Variants in USP6NL observed in about 807,000 individuals in gnomAD.
USP6NL encodes USP6 N-terminal-like protein.
Under a neutral mutation model 61.9 loss-of-function variants are expected in USP6NL, and 26 were observed. The ratio of observed to expected loss-of-function variants is 0.42; its 90% CI spans 0.31 to 0.58. The LOEUF is 0.58. Ranked by LOEUF, USP6NL falls within the 20% of genes least tolerant of loss-of-function variation. The probability of loss-of-function intolerance (pLI) is 0.16; values close to 1 mark genes in which losing one functional copy is unlikely to be tolerated. For synonymous variants in USP6NL, 432 were observed against 390.1 expected, an observed-to-expected ratio of 1.11 and a Z score of -1.27; for missense variants, 1,114 against 1,034.3, an observed-to-expected ratio of 1.08 and a Z score of -1.06.
rs557699914 is a variant in USP6NL at position 11,610,554 on chromosome 10, A to G, written c.-84+889T>C. 4.6e-5 allele frequency among the ~76,000 whole-genome samples: 7 copies of G among 152,304 alleles called. No individual in the cohort carries two copies. In the South Asian group the frequency reaches 1.5e-3, roughly 32 times the overall value. ...TCCCAAAGGTGTAATTATTTTTATA[A>G]AAGGATTAATACAGGATTGAAACCA... is the stretch of plus-strand genomic sequence containing the variant. On this transcript the variant is annotated intron_variant, in intron 1 of 14. Coordinates refer to ENST00000609104, the MANE Select transcript of USP6NL (RefSeq NM_014688.5).
In USP6NL at chr10:11,511,926, T is replaced by C. The variant is rs1304548978; in HGVS notation, c.196-2251A>G. ...TTTAAGTGCTAACTCCATAATGCTG[T>C]CCATTCAACAATACCAAACTTGAAT... On this transcript the variant is annotated intron_variant, in intron 5 of 14. Coordinates refer to ENST00000609104, the MANE Select transcript of USP6NL (RefSeq NM_014688.5). The surrounding 1 kb of genome is among the most constrained non-coding windows in gnomAD (Gnocchi z 4.9). 6.6e-6 allele frequency among the ~76,000 whole-genome samples: 1 copy of C among 152,120 alleles called. No individual in the cohort carries two copies. Among genetic ancestry groups the C allele is most frequent in the African/African-American group, 2.4e-5 (1 of 41,418 alleles).
At chr10:11,507,002 A>G (rs1228989430) in intron 6 of USP6NL, among the ~76,000 whole-genome samples, 1 of 152,226 alleles carries the variant, frequency 6.6e-6, no homozygotes. Flanking sequence ...TGGGCCACAT[A>G]TATCATCAAA....
rs902928520 is a variant in USP6NL at position 11,591,493 on chromosome 10, A to C, written c.4+6138T>G. On this transcript the variant is annotated intron_variant, in intron 2 of 14. Coordinates refer to ENST00000609104, the MANE Select transcript of USP6NL (RefSeq NM_014688.5). This position sits in a 1 kb window ranked among gnomAD's most constrained non-coding sequence, Gnocchi z 4.7. ...GATTTAACTAGTAAAAATAATTCAGAAGCTTTACTAAGCTTATACTACTAT... is the reference window on the plus strand; with the variant it reads ...GATTTAACTAGTAAAAATAATTCAGCAGCTTTACTAAGCTTATACTACTAT... Among the ~76,000 whole-genome samples the C allele has an allele frequency of 5.3e-5, 8 of 152,260 alleles. No individual in the cohort carries two copies. The highest frequency in any genetic ancestry group is 1.9e-4 in the African/African-American group (8 of 41,576).
chr10:11,580,815 T>G (rs1043891906), intron 2 of USP6NL, among the ~76,000 whole-genome samples: 1 of 151,954 alleles, frequency 6.6e-6, no homozygotes, highest in Admixed American at 6.6e-5. Context: ...ATTTCACTCG[T>G]TGGATGGATG....
At chr10:11,488,553 G>A (rs1042045812) in intron 10 of USP6NL, among the ~76,000 whole-genome samples, 5 of 152,200 alleles carry the variant, frequency 3.3e-5, no homozygotes, top group African/African-American at 4.8e-5. Context: ...CCTAGAACAC[G>A]TTATCAACCT....
intron 6 of USP6NL, among the ~76,000 whole-genome samples, chr10:11,505,922 G>C (rs1484348450): frequency 6.6e-6 from 1 of 152,102 alleles, no homozygotes; most frequent in African/African-American, 2.4e-5. Flanking sequence ...TGGCTCCTTT[G>C]TTTCTGCCTT....
At chr10:11,527,361 T>C (rs1358594623) in intron 3 of USP6NL, 139 bp downstream of exon 3, 2 of 681,340 alleles carry the variant, frequency 2.9e-6, no homozygotes, top group African/African-American at 3.6e-5. Context: ...GGAGATGAAG[T>C]CAGCGAAGAT....
rs976517899 is a variant in USP6NL at position 11,470,081 on chromosome 10, C to G, written c.1079-6232G>C. Among the ~76,000 whole-genome samples, 1 of 152,152 alleles carries G rather than the reference C, an allele frequency of 6.6e-6. No individual in the cohort carries two copies. Among genetic ancestry groups the G allele is most frequent in the Non-Finnish European group, 1.5e-5 (1 of 68,026 alleles). ...CGGGGCAGCGCTGTGGAGGTAGTAA[C>G]GCTGTGCCTCTCATGAGGAGGAGAA... is the stretch of plus-strand genomic sequence containing the variant. On this transcript the variant is annotated intron_variant, in intron 14 of 14. Coordinates refer to ENST00000609104, the MANE Select transcript of USP6NL (RefSeq NM_014688.5). The surrounding 1 kb of genome is among the most constrained non-coding windows in gnomAD (Gnocchi z 5.4).
chr10:11,570,993 C>CT (rs1837338392), intron 2 of USP6NL, among the ~76,000 whole-genome samples: 1 of 152,136 alleles, frequency 6.6e-6, no homozygotes, highest in African/African-American at 2.4e-5. Flanking sequence ...TAAACAAACA[C>CT]TTATTAGACA....
At chr10:11,579,164 C>T (rs975954168) in intron 2 of USP6NL, among the ~76,000 whole-genome samples, 1 of 152,196 alleles carries the variant, frequency 6.6e-6, no homozygotes, top group Non-Finnish European at 1.5e-5. Flanking sequence ...TTAAGACACT[C>T]ATAACCAAGA....
intron 1 of USP6NL, among the ~76,000 whole-genome samples, chr10:11,605,978 C>T (rs1276933608): frequency 6.6e-6 from 1 of 151,950 alleles, no homozygotes; most frequent in Non-Finnish European, 1.5e-5. Context: ...GAGAACTTGC[C>T]AAAATTGACG....
At position 11,462,242 on chromosome 10, in the gene USP6NL, G is replaced by C. The variant is rs942725389; in HGVS notation, c.*199C>G. Reference sequence around the variant, plus strand: ...TTCCGGGTTAAATTCTAACAGGTCAGTGATGATGCAATTGAAACGCTCATC... The same window carrying C: ...TTCCGGGTTAAATTCTAACAGGTCACTGATGATGCAATTGAAACGCTCATC... On this transcript the variant is annotated 3_prime_UTR_variant, in exon 15 of 15. Coordinates refer to ENST00000609104, the MANE Select transcript of USP6NL (RefSeq NM_014688.5). 7.9e-6 allele frequency: 5 copies of C among 633,706 alleles called. No homozygotes were observed. The Admixed American group carries it at 1.3e-4, about 16-fold the overall frequency. The allele number at this position is 633,706 out of a possible 1,614,324, so 39.3% of individuals were successfully genotyped here.
Position 11,496,233 on chromosome 10 carries a change from A to T in USP6NL, c.385-3005T>A, listed in dbSNP as rs1391945821. Among the ~76,000 whole-genome samples the T allele has an allele frequency of 2.0e-5, 3 of 152,188 alleles. No homozygotes were observed. The highest frequency in any genetic ancestry group is 2.9e-5 in the Non-Finnish European group (2 of 68,024). On this transcript the variant is annotated intron_variant, in intron 7 of 14. Coordinates refer to ENST00000609104, the MANE Select transcript of USP6NL (RefSeq NM_014688.5). The surrounding 1 kb of genome is among the most constrained non-coding windows in gnomAD (Gnocchi z 5.4). ...TGGGCTAGCACTGAGGGAGCTAAGG[A>T]GCTCTAACTGCTTCTGAAACAGACT... is the stretch of plus-strand genomic sequence containing the variant.
rs1367146206 is a variant in USP6NL at position 11,481,017 on chromosome 10, C to T, written c.1078+753G>A. ...TTTCTTCCCTCCCTTCCTGCACTCCCCTTCTTCTGCTCCTCTCCCATTTAC... is the reference window on the plus strand; with the variant it reads ...TTTCTTCCCTCCCTTCCTGCACTCCTCTTCTTCTGCTCCTCTCCCATTTAC... On this transcript the variant is annotated intron_variant, in intron 14 of 14. Transcript: ENST00000609104. This position sits in a 1 kb window ranked among gnomAD's most constrained non-coding sequence, Gnocchi z 4.4. Among the ~76,000 whole-genome samples, 1 of 152,186 alleles carries T rather than the reference C, an allele frequency of 6.6e-6. No individual in the cohort carries two copies. The highest frequency in any genetic ancestry group is 2.4e-5 in the African/African-American group (1 of 41,424).
At chr10:11,544,610 C>G (rs1836204560) in intron 2 of USP6NL, among the ~76,000 whole-genome samples, 1 of 152,174 alleles carries the variant, frequency 6.6e-6, no homozygotes, top group Admixed American at 6.5e-5. Flanking sequence ...GCCTCAGCCT[C>G]CCGAGTAGCT....
rs1835065483 is a variant in USP6NL at position 11,518,655 on chromosome 10, T to C, written c.156-81A>G. ...AAGCTTATATACTTATAGATACATATGACATACAATATTTATTTGTCATCA... is the reference window on the plus strand; with the variant it reads ...AAGCTTATATACTTATAGATACATACGACATACAATATTTATTTGTCATCA... On this transcript the variant is annotated intron_variant, in intron 4 of 14. Coordinates refer to ENST00000609104, the MANE Select transcript of USP6NL (RefSeq NM_014688.5). The surrounding 1 kb of genome is among the most constrained non-coding windows in gnomAD (Gnocchi z 5.3). 4 of 1,017,508 alleles carry C rather than the reference T, an allele frequency of 3.9e-6. No individual in the cohort carries two copies. The highest frequency in any genetic ancestry group is 2.2e-5 in the Admixed American group (1 of 45,500). 63.0% of individuals were successfully genotyped at this position (1,017,508 alleles called of 1,614,324 possible). A position where few individuals can be genotyped will look rare whatever the true frequency, so the allele number is the denominator to read the frequency against.
intron 6 of USP6NL, among the ~76,000 whole-genome samples, chr10:11,508,466 T>C (rs1430707338): frequency 1.8e-4 from 27 of 152,202 alleles, no homozygotes; most frequent in Non-Finnish European, 1.0e-4. Flanking sequence ...AAAAAAGCTA[T>C]AGTGAAACTT....
rs2133583782 is a variant in USP6NL, at chr10:11,574,930, G to C, written c.4+22701C>G. On this transcript the variant is annotated intron_variant, in intron 2 of 14. Coordinates refer to ENST00000609104, the MANE Select transcript of USP6NL (RefSeq NM_014688.5). This position sits in a 1 kb window ranked among gnomAD's most constrained non-coding sequence, Gnocchi z 4.3. ...AAAAATGTCTAGTTTTAAAATTCAA[G>C]GTGAAGTTTTCAGCTCTTCAGACAC... Among the ~76,000 whole-genome samples, 1 of 152,256 alleles carries C rather than the reference G, an allele frequency of 6.6e-6. No homozygotes were observed. Among genetic ancestry groups the C allele is most frequent in the South Asian group, 2.1e-4 (1 of 4,824 alleles).
Position 11,597,726 on chromosome 10 carries a change from G to T in USP6NL, c.-83-9C>A. On this transcript the variant is annotated splice_polypyrimidine_tract_variant and intron_variant, in intron 1 of 14. Transcript: ENST00000609104. The surrounding 1 kb of genome is among the most constrained non-coding windows in gnomAD (Gnocchi z 4.6). ...TCAGAGGAATACATGTCCTAGTCAG[G>T]AAACAAAGAGAAAGAAATAGTATTT... The T allele has an allele frequency of 1.1e-6, 1 of 942,828 alleles. No individual in the cohort carries two copies. Among genetic ancestry groups the T allele is most frequent in the Non-Finnish European group, 1.7e-6 (1 of 603,434 alleles). 58.4% of individuals were successfully genotyped at this position (942,828 alleles called of 1,614,324 possible). A position where few individuals can be genotyped will look rare whatever the true frequency, so the allele number is the denominator to read the frequency against.
Sources: allele counts gnomAD v4.1 joint callset (sites outside exome capture counted in the v4.1 genomes callset), GRCh38; gene constraint gnomAD v4.1.1; non-coding constraint Gnocchi (gnomAD v3.1); transcripts MANE v1.5; gene names NCBI Gene and HGNC (gene_info 2026-07-23, HGNC 2026-07-21).